FANCA: variants seen among roughly 807,000 people sequenced by gnomAD.
FANCA encodes the protein Fanconi anemia group A protein.
Under a neutral mutation model 194.3 loss-of-function variants are expected in FANCA, and 236 were observed. The ratio of observed to expected loss-of-function variants is 1.21; its 90% confidence interval spans 1.09 to 1.35. The LOEUF (loss-of-function observed/expected upper bound fraction) is 1.35. Ranked by LOEUF, FANCA falls within the 40% of genes most tolerant of loss-of-function variation. FANCA has a pLI of 0.00. For missense variants in FANCA, 2,628 were observed against 1,813.9 expected (o/e 1.45, Z -8.15); for synonymous variants, 1,014 against 715.8 (o/e 1.42, Z -6.65).
At chr16:89,780,465 T>C (rs572909410) in intron 17 of FANCA, among the ~76,000 whole-genome samples, 19 of 151,656 alleles carry the variant, frequency 1.3e-4, no homozygotes, top group African/African-American at 4.6e-4. Flanking sequence ...TCTAAAAAAA[T>C]ACAAAAACAT....
chr16:89,814,497 G>A (rs764003902), intron 3 of FANCA, 23 bp downstream of exon 3: 2 of 1,523,098 alleles, frequency 1.3e-6, no homozygotes. Flanking sequence ...ATTCAAAATA[G>A]AGAAAATGAA....
Position 89,773,387 on chromosome 16 carries a change from G to T in FANCA, c.1901-3C>A, listed in dbSNP as rs17226526. ...TGCCCTCACTCCCAGGGCTGCATCT[G>T]TGAGAAGAAGGAAGAAACCAGATGG... On this transcript the variant is annotated splice_polypyrimidine_tract_variant and splice_region_variant and intron_variant, in intron 21 of 42. Transcript: ENST00000389301. 247 of 1,546,920 alleles carry T rather than the reference G, an allele frequency of 1.6e-4. 1 individual carries two copies. The East Asian group carries it at 6.0e-3, about 38-fold the overall frequency.
chr16:89,808,402 C>CA lies in FANCA; in HGVS notation c.523-36dup, dbSNP rs761878071. The CA allele has an allele frequency of 5.7e-5, 91 of 1,604,208 alleles. No homozygotes were observed. In the African/African-American group the frequency reaches 1.0e-3, roughly 18 times the overall value. ...AAAACAAAACAAACAAAAACAAAAA[C>CA]AAAAAAACCCCCAGCATTCTGAGTC... is the stretch of plus-strand genomic sequence containing the variant. On this transcript the variant is annotated intron_variant, in intron 5 of 42. Coordinates refer to ENST00000389301, the MANE Select transcript of FANCA (RefSeq NM_000135.4).
At position 89,738,051 on chromosome 16, in the gene FANCA, T is replaced by C. The variant is rs2062006902; in HGVS notation, c.*550A>G. 3 of 1,614,118 alleles carry C rather than the reference T, an allele frequency of 1.9e-6. No homozygotes were observed. Among genetic ancestry groups the C allele is most frequent in the Non-Finnish European group, 2.5e-6 (3 of 1,180,040 alleles). On this transcript the variant is annotated 3_prime_UTR_variant, in exon 43 of 43. Transcript: ENST00000389301. ...ACATGACCAAACACAAGGCTGAGAC[T>C]GAGCTGGACTTTGCCTGTGACCAGT...
chr16:89,803,041 A>G (rs1354297959), intron 8 of FANCA, among the ~76,000 whole-genome samples: 1 of 152,206 alleles, frequency 6.6e-6, no homozygotes, highest in East Asian at 1.9e-4. Context: ...CAACATGTGA[A>G]ATGTTGCCAA....
chr16:89,776,666 A>G (rs17232819), intron 20 of FANCA, among the ~76,000 whole-genome samples: 4,289 of 151,532 alleles, frequency 0.028, 220 homozygotes, highest in African/African-American at 0.098. Context: ...TGTCTACTAA[A>G]AATACAAAAA....
At chr16:89,750,198 AC>A (rs1281892083) in intron 31 of FANCA, among the ~76,000 whole-genome samples, 1 of 152,058 alleles carries the variant, frequency 6.6e-6, no homozygotes, top group Admixed American at 6.6e-5. Context: ...TTAAGAAAAA[AC>A]AGCTGGGCGT....
chr16:89,808,447 T>A, intron 5 of FANCA, 80 bp from the exon 6 acceptor site: 1 of 1,422,762 alleles, frequency 7.0e-7, no homozygotes, highest in Non-Finnish European at 9.9e-7. Context: ...TGCATTTTCC[T>A]ACAAAATGTT....
Position 89,739,466 on chromosome 16 carries a change from G to A in FANCA, c.4010+12C>T, listed in dbSNP as rs1445940471. The A allele has an allele frequency of 1.3e-6, 2 of 1,551,688 alleles. No homozygotes were observed. The highest frequency in any genetic ancestry group is 1.7e-6 in the Non-Finnish European group (2 of 1,147,608). On this transcript the variant is annotated intron_variant, in intron 40 of 42. Transcript: ENST00000389301. ...ACTGCCCAGCCCTGACCAGCCCTGT[G>A]GGTGGAGGTACCTGTAAAAAGCGAA...
At chr16:89,748,822 C>T in intron 32 of FANCA, 55 bp from the exon 33 acceptor site, 1 of 1,443,580 alleles carries the variant, frequency 6.9e-7, no homozygotes, top group Non-Finnish European at 9.6e-7. Context: ...TCTGCTCCTT[C>T]CCAAGGGCTC....
In FANCA at chr16:89,803,266, A is replaced by G. The variant is rs758731208; in HGVS notation, c.785T>C (p.Met262Thr). 4 of 1,614,130 alleles carry G rather than the reference A, an allele frequency of 2.5e-6. No individual in the cohort carries two copies. Among genetic ancestry groups the G allele is most frequent in the East Asian group, 2.2e-5 (1 of 44,884 alleles). The part of the protein sequence containing the change: ...DLRRTVEPEK[M>T]PQVTVDVLQR... ...CTTGACTTTTCCTCCTACCTGCGGC[A>G]TTTTTTCAGGCTCCACAGTTCTTCT... is the stretch of plus-strand genomic sequence containing the variant. The change falls in exon 8 of 43, where the codon ATG (methionine) becomes ACG (threonine). Residue 262 changes from methionine (M) to threonine (T), a missense_variant. Coordinates refer to ENST00000389301, the MANE Select transcript of FANCA (RefSeq NM_000135.4).
At chr16:89,784,453 C>A (rs905595481) in intron 15 of FANCA, among the ~76,000 whole-genome samples, 1 of 150,686 alleles carries the variant, frequency 6.6e-6, no homozygotes, top group Non-Finnish European at 1.5e-5. Context: ...AACATGAGAT[C>A]CTAAAACCCT....
chr16:89,806,153 T>A (rs2040633838), intron 6 of FANCA, among the ~76,000 whole-genome samples: 1 of 151,916 alleles, frequency 6.6e-6, no homozygotes, highest in Admixed American at 6.6e-5. Flanking sequence ...CCTCAGGTGA[T>A]CTGCCCGCCT....
chr16:89,750,751 ACT>A (rs1054372250), intron 31 of FANCA, among the ~76,000 whole-genome samples: 8 of 152,136 alleles, frequency 5.3e-5, no homozygotes, highest in South Asian at 2.1e-4. Flanking sequence ...CCAGAGCAAG[ACT>A]CTGTCTCAAA....
intron 36 of FANCA, among the ~76,000 whole-genome samples, chr16:89,743,631 C>G (rs1321140600): frequency 2.0e-5 from 3 of 151,920 alleles, no homozygotes; most frequent in Admixed American, 6.6e-5. Context: ...CGAGACCAGC[C>G]TGACCAACGT....
At chr16:89,782,501 C>T (rs546504078) in intron 17 of FANCA, among the ~76,000 whole-genome samples, 2 of 150,320 alleles carry the variant, frequency 1.3e-5, no homozygotes, top group African/African-American at 4.9e-5. Context: ...CAGACCAAGA[C>T]TGCATCTCCA....
chr16:89,791,101 T>C (rs2040059531), intron 14 of FANCA: 2 of 402,058 alleles, frequency 5.0e-6, no homozygotes, highest in African/African-American at 2.1e-5. Flanking sequence ...CTAATTTTCT[T>C]ATAAAAGACA....
Position 89,737,887 on chromosome 16 carries a change from C to T in FANCA, c.*714G>A. 8 of 1,612,958 alleles carry T rather than the reference C, an allele frequency of 5.0e-6. No homozygotes were observed. The highest frequency in any genetic ancestry group is 1.3e-5 in the African/African-American group (1 of 74,456). On this transcript the variant is annotated 3_prime_UTR_variant, in exon 43 of 43. Transcript: ENST00000389301. ...CTTCTCGTCCACCAAATGCGACATT[C>T]GGGAGCCAAGCCTTTGCAGTAAGTG...
At position 89,767,171 on chromosome 16, in the gene FANCA, G is replaced by A. The variant is rs2039158032; in HGVS notation, c.2571C>T (p.Cys857=). 2 of 1,613,334 alleles carry A rather than the reference G, an allele frequency of 1.2e-6. No homozygotes were observed. Among genetic ancestry groups the A allele is most frequent in the African/African-American group, 1.3e-5 (1 of 74,918 alleles). The part of the protein sequence containing the change: ...KFSSQSRDTL[C]SCLSPGLIKK... ...TAATAAGGCCTGGAGATAAGCAGCT[G>A]CACAAAGTATCTCGTGACTGGGAAG... The change falls in exon 27 of 43, where the codon TGC becomes TGT. Residue 857 remains cysteine, a synonymous_variant. Coordinates refer to ENST00000389301, the MANE Select transcript of FANCA (RefSeq NM_000135.4).
Sources: allele counts gnomAD v4.1 joint callset (sites outside exome capture counted in the v4.1 genomes callset), GRCh38; gene constraint gnomAD v4.1.1; transcripts MANE v1.5; gene names NCBI Gene and HGNC (gene_info 2026-07-23, HGNC 2026-07-21).